The following UGCG variants were observed in gnomAD, a reference collection of about 807,000 sequenced individuals.
The protein encoded by UGCG is UDP-glucose ceramide glucosyltransferase.
In UGCG, 10 loss-of-function variants were observed where a neutral mutation model predicts 49.5. The observed-to-expected ratio is 0.20, with a 90% CI of 0.12 to 0.34. The LOEUF is 0.34. Ranked by LOEUF, UGCG falls within the 10% of genes least tolerant of loss-of-function variation. The pLI, the probability that UGCG is intolerant of heterozygous loss-of-function variation, is 1.00. For missense variants in UGCG, 312 were observed against 483.7 expected (o/e 0.65, Z 3.33); for synonymous variants, 182 against 158.2 (o/e 1.15, Z -1.13).
chr9:111,912,028 G>GAATATATATA (rs1838018670), intron 1 of UGCG, among the ~76,000 whole-genome samples: 1 of 29,522 alleles, frequency 3.4e-5, no homozygotes, highest in Admixed American at 3.2e-4. Context: ...ATATTCAACA[G>GAATATATATA]GATATATATA....
intron 1 of UGCG, among the ~76,000 whole-genome samples, chr9:111,902,695 CA>C: frequency 6.6e-6 from 1 of 152,236 alleles, no homozygotes; most frequent in East Asian, 1.9e-4. Context: ...ATTATAAAAA[CA>C]ACACATTCTG....
At chr9:111,930,413 A>G (rs1251417853) in intron 6 of UGCG, among the ~76,000 whole-genome samples, 1 of 152,146 alleles carries the variant, frequency 6.6e-6, no homozygotes, top group Non-Finnish European at 1.5e-5. Context: ...GAAGCCACTG[A>G]AAGATTCATA....
At chr9:111,919,490 A>C (rs1488406198) in intron 2 of UGCG, among the ~76,000 whole-genome samples, 3 of 151,146 alleles carry the variant, frequency 2.0e-5, no homozygotes, top group African/African-American at 7.3e-5. Flanking sequence ...CTCAAAAAAA[A>C]CCATTAAAGA....
chr9:111,915,717 T>A (rs1020201015), intron 2 of UGCG: 1 of 917,578 alleles, frequency 1.1e-6, no homozygotes, highest in South Asian at 5.0e-5. Context: ...ACTACACTTC[T>A]TATGGTGACT....
At chr9:111,919,608 A>G (rs1490621921) in intron 2 of UGCG, among the ~76,000 whole-genome samples, 3 of 151,726 alleles carry the variant, frequency 2.0e-5, no homozygotes, top group Admixed American at 1.3e-4. Context: ...TGGCTAGCAC[A>G]GTGAAACTCC....
At chr9:111,925,256 G>A (rs1202637196) in intron 4 of UGCG, among the ~76,000 whole-genome samples, 2 of 152,122 alleles carry the variant, frequency 1.3e-5, no homozygotes, top group African/African-American at 2.4e-5. Flanking sequence ...AAATTAATAG[G>A]TGCATATTTT....
At chr9:111,923,705 T>C (rs1370657509) in intron 3 of UGCG, among the ~76,000 whole-genome samples, 1 of 152,072 alleles carries the variant, frequency 6.6e-6, no homozygotes, top group Non-Finnish European at 1.5e-5. Context: ...CAATTTCAGC[T>C]CAGTGCAACC....
Position 111,914,592 on chromosome 9 carries a change from A to G in UGCG, c.99-13A>G. ...ATTCTATAGAAATAATTTTTATATC[A>G]TTTGCTTTTTAGCCGATTACACCTC... On this transcript the variant is annotated splice_polypyrimidine_tract_variant and intron_variant, in intron 1 of 8. Transcript: ENST00000374279. 1 of 1,611,766 alleles carries G rather than the reference A, an allele frequency of 6.2e-7. No individual in the cohort carries two copies. The highest frequency in any genetic ancestry group is 1.1e-5 in the South Asian group (1 of 90,610).
chr9:111,930,933 A>C (rs1023152463), intron 6 of UGCG, among the ~76,000 whole-genome samples: 3 of 152,154 alleles, frequency 2.0e-5, no homozygotes, highest in African/African-American at 7.2e-5. Context: ...TTCTGTTTAC[A>C]TGTCTTGTTG....
chr9:111,914,860 A>G, intron 2 of UGCG, 114 bp downstream of exon 2: 2 of 1,408,756 alleles, frequency 1.4e-6, no homozygotes, highest in South Asian at 1.5e-5. Context: ...ATTCATGATG[A>G]TATTGGCCTC....
At chr9:111,897,732 C>T (rs1412805996) in intron 1 of UGCG, among the ~76,000 whole-genome samples, 1 of 151,806 alleles carries the variant, frequency 6.6e-6, no homozygotes, top group East Asian at 1.9e-4. Context: ...CTGCTCACAG[C>T]TATCTGGACA....
At chr9:111,923,013 G>C (rs773053275) in intron 3 of UGCG, 62 bp downstream of exon 3, 239 of 1,083,964 alleles carry the variant, frequency 2.2e-4, no homozygotes, top group Admixed American at 1.0e-3. Flanking sequence ...AGTAATCTCT[G>C]CATTGAACTG....
rs1564207230 is a variant in UGCG at position 111,932,914 on chromosome 9, T to G, written c.1102T>G (p.Leu368Val). The G allele has an allele frequency of 6.2e-7, 1 of 1,613,318 alleles. No individual in the cohort carries two copies. Among genetic ancestry groups the G allele is most frequent in the East Asian group, 2.2e-5 (1 of 44,864 alleles). Residue 368 changes from leucine (L) to valine (V), a missense_variant, in exon 9 of 9, where the codon TTA becomes GTA. Physicochemically the swap from Leu to Val is conservative, Grantham distance 32. Around this residue, in one of 4 missense-constraint regions of UGCG, gnomAD observed 180 missense variants for 320.4 expected, o/e 0.56. Coordinates refer to ENST00000374279, the MANE Select transcript of UGCG (RefSeq NM_003358.3). ...GACAATATACATTTTTTTGTCTGCA[T>G]TATGGGACCCAACTATAAGCTGGAG... ...SMTIYIFLSA[L>V]WDPTISWRTG...
chr9:111,916,658 GTGTTGCCA>G (rs1838116739), intron 2 of UGCG, among the ~76,000 whole-genome samples: 1 of 151,658 alleles, frequency 6.6e-6, no homozygotes, highest in Non-Finnish European at 1.5e-5. Context: ...TTTGTAGAGG[GTGTTGCCA>G]TGTTGCCGGG....
intron 1 of UGCG, among the ~76,000 whole-genome samples, chr9:111,900,058 A>G (rs2094987240): frequency 6.6e-6 from 1 of 152,138 alleles, no homozygotes; most frequent in Non-Finnish European, 1.5e-5. Flanking sequence ...GTTGAGATTG[A>G]AGATTTCCTA....
Position 111,897,242 on chromosome 9 carries a change from G to A in UGCG, c.27G>A (p.Glu9=). The A allele has an allele frequency of 6.4e-7, 1 of 1,553,932 alleles. No individual in the cohort carries two copies. MALLDLAL[E]GMAVFGFVLF... ...TGGCGCTGCTGGACCTGGCCTTGGA[G>A]GGAATGGCCGTCTTCGGGTTCGTCC... The change falls in exon 1 of 9, where the codon GAG becomes GAA. Residue 9 remains glutamate (E), a synonymous_variant. Transcript: ENST00000374279.
intron 1 of UGCG, among the ~76,000 whole-genome samples, chr9:111,911,490 C>G (rs1837993182): frequency 6.6e-6 from 1 of 152,028 alleles, no homozygotes; most frequent in African/African-American, 2.4e-5. Flanking sequence ...GGACAAGAAA[C>G]TAGTAATGCT....
intron 2 of UGCG, chr9:111,915,715 T>A (rs1033053670): frequency 8.3e-5 from 76 of 910,700 alleles, no homozygotes; most frequent in Admixed American, 2.5e-4. Context: ...GCACTACACT[T>A]CTTATGGTGA....
intron 2 of UGCG, among the ~76,000 whole-genome samples, chr9:111,916,870 C>T (rs56386913): frequency 0.12 from 18,573 of 151,020 alleles, 1,263 homozygotes; most frequent in South Asian, 0.17. Context: ...TTTGGCCAGG[C>T]GTGGTGGCTT....
Sources: allele counts gnomAD v4.1 joint callset (sites outside exome capture counted in the v4.1 genomes callset), GRCh38; gene constraint gnomAD v4.1.1; regional missense constraint gnomAD v4.1.1; transcripts MANE v1.5; gene names NCBI Gene and HGNC (gene_info 2026-07-23, HGNC 2026-07-21).